The following GLIS3 variants were observed in gnomAD, a reference collection of about 807,000 sequenced individuals.
GLIS3 encodes the protein GLIS family zinc finger 3.
In GLIS3, 53 loss-of-function variants were observed where a neutral mutation model predicts 78.6. That is an observed-to-expected ratio of 0.67 (90% CI 0.54 to 0.85). The LOEUF (loss-of-function observed/expected upper bound fraction) is 0.85. Ranked by LOEUF, GLIS3 falls within the 40% of genes least tolerant of loss-of-function variation. GLIS3 has a pLI of 0.00. For synonymous variants in GLIS3, 684 were observed against 509.9 expected, an observed-to-expected ratio of 1.34 and a Z score of -4.60; for missense variants, 1,703 against 1,231.1, an observed-to-expected ratio of 1.38 and a Z score of -5.74.
At chr9:4,226,233 G>A (rs1007073799) in intron 2 of GLIS3, among the ~76,000 whole-genome samples, 4 of 152,140 alleles carry the variant, frequency 2.6e-5, no homozygotes, top group African/African-American at 9.7e-5. Flanking sequence ...AGGAACAGAA[G>A]TAAACTGACC....
chr9:4,450,700 T>C, the GLIS3 span, among the ~76,000 whole-genome samples: 4 of 152,194 alleles, frequency 2.6e-5, no homozygotes, highest in Admixed American at 6.5e-5. Context: ...TATTCGACAT[T>C]CTTAAAGAAA....
intron 4 of GLIS3, among the ~76,000 whole-genome samples, chr9:4,023,487 CA>C (rs780990277): frequency 3.3e-5 from 5 of 152,156 alleles, no homozygotes; most frequent in Non-Finnish European, 7.4e-5. Context: ...TAAAGATTGC[CA>C]AAAACTCCAG....
At chr9:4,224,871 T>C (rs1398677259) in intron 2 of GLIS3, among the ~76,000 whole-genome samples, 1 of 152,126 alleles carries the variant, frequency 6.6e-6, no homozygotes, top group Non-Finnish European at 1.5e-5. Context: ...ACTGTCAATA[T>C]ACCAACCAAT....
the GLIS3 span, among the ~76,000 whole-genome samples, chr9:4,382,081 T>G: frequency 2.6e-5 from 4 of 152,104 alleles, no homozygotes; most frequent in African/African-American, 9.6e-5. Context: ...AATGTCACCC[T>G]TTTCCCTTTT....
At position 4,345,493 on chromosome 9, in the gene GLIS3, C is replaced by T. The variant is rs1435097544; in HGVS notation, n.264+1588G>A. Among the ~76,000 whole-genome samples the T allele has an allele frequency of 5.9e-5, 9 of 152,260 alleles. No individual in the cohort carries two copies. The East Asian group carries it at 1.7e-3, about 29-fold the overall frequency. On this transcript the variant is annotated intron_variant and non_coding_transcript_variant, in intron 2 of 4. Coordinates refer to the GLIS3 transcript ENST00000471664. ...CATTTTTACTAGAATGGTAGGTGCT[C>T]AATAAGTATTTTTAAATGTATCATA...
At chr9:4,364,845 G>A in the GLIS3 span, among the ~76,000 whole-genome samples, 1 of 138,882 alleles carries the variant, frequency 7.2e-6, no homozygotes, top group Admixed American at 8.1e-5. Flanking sequence ...ATTCACAGGT[G>A]CAATCATAGC....
At position 4,198,031 on chromosome 9, in the gene GLIS3, A is replaced by T. The variant is rs1292529283; in HGVS notation, c.389-72090T>A. On this transcript the variant is annotated intron_variant, in intron 2 of 10. Coordinates refer to ENST00000381971, the MANE Select transcript of GLIS3 (RefSeq NM_001042413.2). The stretch of plus-strand genomic sequence containing the variant: ...CTGCCTGCATGAAATTAATTACAAA[A>T]ATTAGAAGTGCCAGCACTTCCAGAT... 2.6e-5 allele frequency among the ~76,000 whole-genome samples: 4 copies of T among 152,344 alleles called. No individual in the cohort carries two copies. In the East Asian group the frequency reaches 7.7e-4, roughly 29 times the overall value.
At chr9:3,871,426 C>G (rs1820960922) in intron 8 of GLIS3, among the ~76,000 whole-genome samples, 1 of 152,206 alleles carries the variant, frequency 6.6e-6, no homozygotes, top group South Asian at 2.1e-4. Context: ...TTGCATTGCT[C>G]TAGTAGAGGT....
chr9:3,933,294 G>A (rs1216525410), intron 5 of GLIS3, among the ~76,000 whole-genome samples: 1 of 152,096 alleles, frequency 6.6e-6, no homozygotes, highest in Non-Finnish European at 1.5e-5. Flanking sequence ...CCCTGCCTCA[G>A]CTTCCTGAGT....
At chr9:4,023,065 A>G (rs1823017635) in intron 4 of GLIS3, among the ~76,000 whole-genome samples, 1 of 152,208 alleles carries the variant, frequency 6.6e-6, no homozygotes. Context: ...AATTTACTAT[A>G]CACAGATAAA....
chr9:4,335,213 TC>T (rs1817741025), intron 2 of GLIS3, among the ~76,000 whole-genome samples: 2 of 152,114 alleles, frequency 1.3e-5, no homozygotes, highest in Non-Finnish European at 2.9e-5. Context: ...TGGCCCCATT[TC>T]CACTCATTTT....
intron 2 of GLIS3, among the ~76,000 whole-genome samples, chr9:4,225,203 C>T (rs998178542): frequency 2.6e-5 from 4 of 152,054 alleles, no homozygotes; most frequent in Non-Finnish European, 4.4e-5. Flanking sequence ...TCTTCTAAGT[C>T]TTGCATTTTC....
chr9:4,341,340 G>A (rs1469401337), intron 2 of GLIS3, among the ~76,000 whole-genome samples: 1 of 152,224 alleles, frequency 6.6e-6, no homozygotes, highest in African/African-American at 2.4e-5. Context: ...CACACTTGTA[G>A]TTATCAGGCA....
At chr9:4,067,140 G>A (rs1259974269) in intron 4 of GLIS3, among the ~76,000 whole-genome samples, 3 of 148,514 alleles carry the variant, frequency 2.0e-5, no homozygotes. Context: ...TGCCATTCAT[G>A]TAGACTTAGA....
At chr9:3,881,220 C>T (rs16919851) in intron 7 of GLIS3, among the ~76,000 whole-genome samples, 2,255 of 152,150 alleles carry the variant, frequency 0.015, 30 homozygotes, top group Non-Finnish European at 0.024. Context: ...ATATACTATT[C>T]CAAAATCTAA....
intron 4 of GLIS3, among the ~76,000 whole-genome samples, chr9:3,969,359 C>T (rs140482671): frequency 1.3e-4 from 20 of 152,300 alleles, no homozygotes; most frequent in African/African-American, 4.3e-4. Flanking sequence ...TTGTGCTATA[C>T]GTTCCCTACA....
At chr9:4,017,383 A>G (rs1309786727) in intron 4 of GLIS3, among the ~76,000 whole-genome samples, 2 of 152,228 alleles carry the variant, frequency 1.3e-5, no homozygotes, top group Non-Finnish European at 2.9e-5. Flanking sequence ...CAAAAGATAC[A>G]AAGTAGACAA....
At chr9:4,489,023 C>A in the GLIS3 span, among the ~76,000 whole-genome samples, 3 of 152,180 alleles carry the variant, frequency 2.0e-5, no homozygotes, top group East Asian at 1.9e-4. Context: ...CGTGCCACCA[C>A]GCCCGGCTAA....
At chr9:4,430,798 T>C in the GLIS3 span, among the ~76,000 whole-genome samples, 1 of 152,214 alleles carries the variant, frequency 6.6e-6, no homozygotes, top group African/African-American at 2.4e-5. Context: ...TTAATTCAAA[T>C]TCCAACTAGG....
Sources: gnomAD v4.1 joint callset for allele counts (sites outside exome capture counted in the v4.1 genomes callset) on GRCh38, gnomAD v4.1.1 for gene constraint, MANE v1.5 for transcripts, NCBI Gene and HGNC (gene_info 2026-07-23, HGNC 2026-07-21) for gene names.